NPY2R: variants seen among roughly 807,000 people sequenced by gnomAD.
NPY2R encodes neuropeptide Y receptor Y2.
In NPY2R, 17 loss-of-function variants were observed where a neutral mutation model predicts 22.3. The ratio of observed to expected loss-of-function variants is 0.76; its 90% confidence interval spans 0.52 to 1.14. The LOEUF is 1.14. Among genes scored for constraint, NPY2R ranks in the 50% most tolerant of loss-of-function variants. NPY2R has a pLI of 0.00. For synonymous variants in NPY2R, 209 were observed against 183.4 expected (o/e 1.14, Z -1.13); for missense variants, 424 against 467.9 (o/e 0.91, Z 0.87).
the NPY2R span, among the ~76,000 whole-genome samples, chr4:155,182,390 T>C: frequency 1.3e-5 from 2 of 152,122 alleles, no homozygotes; most frequent in Non-Finnish European, 2.9e-5. Flanking sequence ...ATTTCAGAGG[T>C]AACACAAAAC....
In NPY2R at chr4:155,215,393, GTAT is replaced by G. The variant is rs369509939; in HGVS notation, c.*312_*314del. The stretch of plus-strand genomic sequence containing the variant: ...TGAAGAAAACTTGAACAAGAAATTG[GTAT>G]TATCAAAGCATTGCTGAGAGACGGT... On this transcript the variant is annotated 3_prime_UTR_variant, in exon 2 of 2. Coordinates refer to ENST00000329476, the MANE Select transcript of NPY2R (RefSeq NM_000910.4). 522 of 449,898 alleles carry G rather than the reference GTAT, an allele frequency of 1.2e-3. 3 individuals carry two copies. Among genetic ancestry groups the G allele is most frequent in the African/African-American group, 9.0e-3 (448 of 49,870 alleles). 27.9% of individuals were successfully genotyped at this position (449,898 alleles called of 1,614,324 possible).
chr4:155,175,299 G>A, the NPY2R span, among the ~76,000 whole-genome samples: 1 of 152,228 alleles, frequency 6.6e-6, no homozygotes, highest in South Asian at 2.1e-4. Flanking sequence ...AATACACAGG[G>A]GAGATACAGT....
intron 1 of NPY2R, among the ~76,000 whole-genome samples, chr4:155,209,816 G>A (rs1190868704): frequency 1.3e-5 from 2 of 151,968 alleles, no homozygotes; most frequent in African/African-American, 2.4e-5. Context: ...GATAAGATGT[G>A]TAGGTTTACT....
intron 1 of NPY2R, among the ~76,000 whole-genome samples, chr4:155,209,589 A>G (rs1162890216): frequency 1.3e-5 from 2 of 152,218 alleles, no homozygotes; most frequent in Non-Finnish European, 2.9e-5. Context: ...TTCCAAAGAA[A>G]GGCTTCCCAC....
the NPY2R span, among the ~76,000 whole-genome samples, chr4:155,192,677 T>G: frequency 6.6e-6 from 1 of 151,944 alleles, no homozygotes; most frequent in Non-Finnish European, 1.5e-5. Context: ...TACCCATCAA[T>G]GAGTAACCAA....
chr4:155,192,455 A>T, the NPY2R span, among the ~76,000 whole-genome samples: 2 of 151,928 alleles, frequency 1.3e-5, no homozygotes, highest in Non-Finnish European at 2.9e-5. Context: ...TGCACAGGAT[A>T]ATTTGTAATG....
At chr4:155,186,750 C>A in the NPY2R span, among the ~76,000 whole-genome samples, 1 of 152,252 alleles carries the variant, frequency 6.6e-6, no homozygotes, top group Non-Finnish European at 1.5e-5. Context: ...TGACCACTCC[C>A]AGCCTTGGTA....
the NPY2R span, among the ~76,000 whole-genome samples, chr4:155,194,560 C>T: frequency 3.3e-5 from 5 of 152,014 alleles, no homozygotes; most frequent in African/African-American, 1.2e-4. Context: ...ACATTCACTG[C>T]TACAAAGGAC....
upstream of NPY2R, among the ~76,000 whole-genome samples, chr4:155,206,128 C>A (rs1729279585): frequency 1.3e-5 from 2 of 152,120 alleles, no homozygotes; most frequent in Non-Finnish European, 2.9e-5. Context: ...CATGCTGGTC[C>A]ATTTATGTCA....
chr4:155,184,787 A>G, the NPY2R span, among the ~76,000 whole-genome samples: 1 of 152,184 alleles, frequency 6.6e-6, no homozygotes, highest in East Asian at 1.9e-4. Context: ...GTCTGGCAAA[A>G]TGTAATACAA....
the NPY2R span, among the ~76,000 whole-genome samples, chr4:155,198,533 C>T: frequency 2.3e-5 from 2 of 86,524 alleles, no homozygotes; most frequent in African/African-American, 7.2e-5. Context: ...AAATATATAT[C>T]AAATATCTTA....
At chr4:155,206,773 T>C (rs567959776), upstream of NPY2R, 4 of 152,368 alleles carry the variant, frequency 2.6e-5, no homozygotes, top group African/African-American at 9.6e-5. Context: ...TCCAAAGCAA[T>C]TGCTCTAAAA....
At chr4:155,195,533 T>C in the NPY2R span, among the ~76,000 whole-genome samples, 10 of 151,920 alleles carry the variant, frequency 6.6e-5, no homozygotes, top group African/African-American at 1.7e-4. Context: ...CTATTCCATA[T>C]TTGTATTTTA....
In NPY2R at chr4:155,215,189, G is replaced by A. The variant is rs1729491102; in HGVS notation, c.*104G>A. 3.6e-6 allele frequency: 4 copies of A among 1,115,968 alleles called. No individual in the cohort carries two copies. Among genetic ancestry groups the A allele is most frequent in the African/African-American group, 1.5e-5 (1 of 64,906 alleles). 69.1% of individuals were successfully genotyped at this position (1,115,968 alleles called of 1,614,324 possible). ...ACTGATTTCCCATTTTAAAGAAGAA[G>A]TGGATCTAAATGGAAGCATCTGCTG... On this transcript the variant is annotated 3_prime_UTR_variant, in exon 2 of 2. Coordinates refer to ENST00000329476, the MANE Select transcript of NPY2R (RefSeq NM_000910.4).
intron 1 of NPY2R, among the ~76,000 whole-genome samples, chr4:155,211,834 G>A (rs1382661949): frequency 6.6e-6 from 1 of 152,132 alleles, no homozygotes; most frequent in Non-Finnish European, 1.5e-5. Context: ...GACACCCTCT[G>A]GAATCAGAAT....
chr4:155,187,201 C>G, the NPY2R span, among the ~76,000 whole-genome samples: 3 of 152,154 alleles, frequency 2.0e-5, no homozygotes, highest in East Asian at 5.8e-4. Context: ...ATCACTGAAA[C>G]GCACTACATC....
At chr4:155,196,783 G>C in the NPY2R span, among the ~76,000 whole-genome samples, 5 of 151,284 alleles carry the variant, frequency 3.3e-5, no homozygotes, top group Admixed American at 2.0e-4. Context: ...GGGGCCAGAG[G>C]GGGGATCTCA....
chr4:155,190,685 T>A, the NPY2R span, among the ~76,000 whole-genome samples: 1 of 152,034 alleles, frequency 6.6e-6, no homozygotes, highest in Non-Finnish European at 1.5e-5. Flanking sequence ...ATTCATTCAA[T>A]GACGTAAACC....
the NPY2R span, among the ~76,000 whole-genome samples, chr4:155,175,697 T>C: frequency 3.9e-5 from 6 of 152,178 alleles, no homozygotes; most frequent in African/African-American, 1.4e-4. Flanking sequence ...TACTAGCTCA[T>C]CTTTGCTCAC....
Sources: allele counts gnomAD v4.1 joint callset (sites outside exome capture counted in the v4.1 genomes callset), GRCh38; gene constraint gnomAD v4.1.1; transcripts MANE v1.5; gene names NCBI Gene and HGNC (gene_info 2026-07-23, HGNC 2026-07-21).